The following CSMD1 variants were observed in gnomAD, a reference collection of about 807,000 sequenced individuals.
The protein encoded by CSMD1 is CUB and Sushi multiple domains 1.
CSMD1 carries 213 observed loss-of-function variants against 417.5 expected under a neutral mutation model. That is an observed-to-expected ratio of 0.51 (90% confidence interval 0.46 to 0.57). The LOEUF is 0.57. CSMD1 is among the 20% of genes least tolerant of loss of function. The pLI, the probability that CSMD1 is intolerant of heterozygous loss-of-function variation, is 0.00. For missense variants in CSMD1, 6,923 were observed against 4,529.7 expected, an observed-to-expected ratio of 1.53 and a Z score of -15.17; for synonymous variants, 2,862 against 1,736.8, an observed-to-expected ratio of 1.65 and a Z score of -16.11.
chr8:4,671,564 T>C (rs1267541931), intron 1 of CSMD1, among the ~76,000 whole-genome samples: 2 of 152,218 alleles, frequency 1.3e-5, no homozygotes, highest in African/African-American at 2.4e-5. Context: ...TCCACGTGAA[T>C]TCACCAGACA....
chr8:4,964,539 GAAAAA>G (rs1175814188), intron 1 of CSMD1, among the ~76,000 whole-genome samples: 1 of 115,914 alleles, frequency 8.6e-6, no homozygotes, highest in Non-Finnish European at 1.8e-5. Context: ...AGGAAGGAAG[GAAAAA>G]AAAAAAGGAT....
chr8:3,430,792 A>G (rs1053710059), intron 12 of CSMD1, among the ~76,000 whole-genome samples: 4 of 152,160 alleles, frequency 2.6e-5, no homozygotes, highest in Non-Finnish European at 4.4e-5. Flanking sequence ...GGGTAACAGA[A>G]CGAGACTCCA....
At chr8:4,142,510 G>A (rs775845400) in intron 3 of CSMD1, among the ~76,000 whole-genome samples, 1 of 151,242 alleles carries the variant, frequency 6.6e-6, no homozygotes, top group Non-Finnish European at 1.5e-5. Context: ...AAAAGGAGCT[G>A]TTCTAGATGA....
intron 6 of CSMD1, among the ~76,000 whole-genome samples, chr8:3,751,351 C>G (rs1797332863): frequency 6.9e-6 from 1 of 145,384 alleles, no homozygotes; most frequent in South Asian, 2.1e-4. Flanking sequence ...TACACGAACA[C>G]ACATCTACAT....
intron 1 of CSMD1, among the ~76,000 whole-genome samples, chr8:4,718,480 T>A (rs1808834820): frequency 6.6e-6 from 1 of 151,976 alleles, no homozygotes; most frequent in South Asian, 2.1e-4. Flanking sequence ...AGACAGGAAC[T>A]AGAAAAGAAT....
chr8:3,095,524 A>C (rs1173116764), intron 47 of CSMD1, among the ~76,000 whole-genome samples: 1 of 152,210 alleles, frequency 6.6e-6, no homozygotes. Flanking sequence ...ATGTGAGTTT[A>C]ATTTCCAATT....
At chr8:4,561,081 G>T (rs1055770547) in intron 2 of CSMD1, among the ~76,000 whole-genome samples, 1 of 152,158 alleles carries the variant, frequency 6.6e-6, no homozygotes, top group Non-Finnish European at 1.5e-5. Flanking sequence ...ATTATTAAAT[G>T]AAAACATCGA....
chr8:4,357,452 G>T (rs1306229225), intron 3 of CSMD1, among the ~76,000 whole-genome samples: 1 of 152,010 alleles, frequency 6.6e-6, no homozygotes, highest in Non-Finnish European at 1.5e-5. Flanking sequence ...TCACCTCCAA[G>T]ATACTTCTCT....
chr8:4,097,623 C>A (rs868513641), intron 3 of CSMD1, among the ~76,000 whole-genome samples: 2 of 152,170 alleles, frequency 1.3e-5, no homozygotes, highest in African/African-American at 4.8e-5. Context: ...GATAAGCTAT[C>A]TGCAACATAG....
intron 3 of CSMD1, among the ~76,000 whole-genome samples, chr8:4,194,769 T>C (rs1490347296): frequency 6.6e-6 from 1 of 152,008 alleles, no homozygotes; most frequent in Non-Finnish European, 1.5e-5. Flanking sequence ...TTAACACATA[T>C]AAAACATTCA....
intron 1 of CSMD1, among the ~76,000 whole-genome samples, chr8:4,732,062 C>T (rs1006572758): frequency 1.3e-5 from 2 of 152,250 alleles, no homozygotes; most frequent in East Asian, 3.9e-4. Context: ...AGCTTTACAT[C>T]TCTCTTGCTA....
At chr8:4,632,178 G>C (rs1425231138) in intron 2 of CSMD1, among the ~76,000 whole-genome samples, 1 of 152,142 alleles carries the variant, frequency 6.6e-6, no homozygotes, top group Non-Finnish European at 1.5e-5. Flanking sequence ...CAGTGGCAGG[G>C]ATGAGTTGCC....
intron 3 of CSMD1, among the ~76,000 whole-genome samples, chr8:4,147,076 TG>T (rs1804182511): frequency 6.6e-6 from 1 of 151,978 alleles, no homozygotes; most frequent in South Asian, 2.1e-4. Context: ...TAACTCCAGC[TG>T]TCCTCACTCC....
intron 15 of CSMD1, among the ~76,000 whole-genome samples, chr8:3,400,536 T>C (rs924559307): frequency 3.3e-5 from 5 of 151,942 alleles, no homozygotes; most frequent in Admixed American, 3.3e-4. Flanking sequence ...AGGAAACAAA[T>C]ACAGAAAAAA....
At position 3,586,164 on chromosome 8, in the gene CSMD1, A is replaced by G. The variant is rs1800590482; in HGVS notation, c.1194T>C (p.Ala398=). The change falls in exon 9 of 70, where the codon GCT becomes GCC. Residue 398 remains alanine (A), a synonymous_variant. Coordinates refer to ENST00000635120, the MANE Select transcript of CSMD1 (RefSeq NM_033225.6). ...TCQRVTETLA[A]WSDHRPICRA... ...GGCAGATGGGCCTGTGGTCACTCCAAGCAGCGAGCGTCTCTGTAACTCTCT... is the reference window on the plus strand; with the variant it reads ...GGCAGATGGGCCTGTGGTCACTCCAGGCAGCGAGCGTCTCTGTAACTCTCT... 6.2e-7 allele frequency: 1 copy of G among 1,612,954 alleles called. No individual in the cohort carries two copies. The highest frequency in any genetic ancestry group is 8.5e-7 in the Non-Finnish European group (1 of 1,179,460).
chr8:4,611,552 T>C (rs1286395880), intron 2 of CSMD1, among the ~76,000 whole-genome samples: 1 of 152,170 alleles, frequency 6.6e-6, no homozygotes, highest in African/African-American at 2.4e-5. Flanking sequence ...TATTGCCAAA[T>C]TGCCTTCCCA....
At chr8:4,866,157 T>C (rs1416082710) in intron 1 of CSMD1, among the ~76,000 whole-genome samples, 1 of 151,978 alleles carries the variant, frequency 6.6e-6, no homozygotes, top group African/African-American at 2.4e-5. Flanking sequence ...GCAAAGTTTA[T>C]GACATCTGTT....
rs1563162756 is a variant in CSMD1 at position 2,937,216 on chromosome 8, G to A, written c.*1369C>T. The stretch of plus-strand genomic sequence containing the variant: ...CTATAATGGAATTTAAACTTGAAAA[G>A]TCACTGAAATTACCTTTCCATCTGG... On this transcript the variant is annotated 3_prime_UTR_variant, in exon 70 of 70. Transcript: ENST00000635120. The A allele has an allele frequency of 6.6e-6, 1 of 152,036 alleles. No individual in the cohort carries two copies. Among genetic ancestry groups the A allele is most frequent in the Non-Finnish European group, 1.5e-5 (1 of 68,022 alleles). 9.4% of individuals were successfully genotyped at this position (152,036 alleles called of 1,614,324 possible).
intron 1 of CSMD1, among the ~76,000 whole-genome samples, chr8:4,844,502 G>A (rs1397792174): frequency 1.3e-5 from 2 of 151,968 alleles, no homozygotes; most frequent in East Asian, 3.9e-4. Flanking sequence ...AGCACTCTTG[G>A]CCGCGTCAAG....
Sources: allele counts gnomAD v4.1 joint callset (sites outside exome capture counted in the v4.1 genomes callset), GRCh38; gene constraint gnomAD v4.1.1; transcripts MANE v1.5; gene names NCBI Gene and HGNC (gene_info 2026-07-23, HGNC 2026-07-21).